EYS: variants seen among roughly 807,000 people sequenced by gnomAD.
EYS encodes the protein protein eyes shut homolog.
Under a neutral mutation model 282.1 loss-of-function variants are expected in EYS, and 250 were observed. The observed-to-expected ratio is 0.89, with a 90% CI of 0.80 to 0.98. EYS has a LOEUF of 0.98. Ranked by LOEUF, EYS falls within the 50% of genes least tolerant of loss-of-function variation. The probability of loss-of-function intolerance (pLI) is 0.00; values close to 1 mark genes in which losing one functional copy is unlikely to be tolerated. For synonymous variants in EYS, 1,355 were observed against 1,282.9 expected (o/e 1.06, Z -1.20); for missense variants, 4,016 against 3,709.0 (o/e 1.08, Z -2.15).
intron 31 of EYS, among the ~76,000 whole-genome samples, chr6:64,091,549 G>A (rs1349947257): frequency 2.0e-5 from 3 of 152,128 alleles, no homozygotes; most frequent in Admixed American, 6.6e-5. Flanking sequence ...GACTTCACAT[G>A]TGAAGCTACA....
chr6:64,889,684 C>A (rs867293439), intron 18 of EYS, among the ~76,000 whole-genome samples: 1 of 151,998 alleles, frequency 6.6e-6, no homozygotes, highest in African/African-American at 2.4e-5. Flanking sequence ...TATCACTTCC[C>A]CAGTCAATAC....
At chr6:64,285,818 C>T (rs1287072370) in intron 30 of EYS, among the ~76,000 whole-genome samples, 9 of 152,072 alleles carry the variant, frequency 5.9e-5, no homozygotes, top group African/African-American at 1.9e-4. Context: ...CATCAGATCT[C>T]GTGAGACTTA....
At chr6:65,661,266 T>A (rs917816993) in intron 1 of EYS, among the ~76,000 whole-genome samples, 1 of 151,836 alleles carries the variant, frequency 6.6e-6, no homozygotes, top group African/African-American at 2.4e-5. Flanking sequence ...ACAATAAGCA[T>A]CTTTTGAGAA....
At chr6:64,196,622 T>A (rs1350172235) in intron 31 of EYS, among the ~76,000 whole-genome samples, 2 of 151,882 alleles carry the variant, frequency 1.3e-5, no homozygotes, top group Non-Finnish European at 2.9e-5. Flanking sequence ...GAAATCATCA[T>A]TCTCAGTAAA....
chr6:63,738,604 G>T (rs1174536970), intron 41 of EYS, among the ~76,000 whole-genome samples: 1 of 118,878 alleles, frequency 8.4e-6, no homozygotes, highest in African/African-American at 3.2e-5. Flanking sequence ...GGGGGAGGGG[G>T]GAGGGATAGC....
In EYS at chr6:65,163,807, T is replaced by C. The variant is rs939344830; in HGVS notation, c.2024-106080A>G. Among the ~76,000 whole-genome samples, 11 of 151,428 alleles carry C rather than the reference T, an allele frequency of 7.3e-5. No individual in the cohort carries two copies. The South Asian group carries it at 1.0e-3, about 14-fold the overall frequency. On this transcript the variant is annotated intron_variant, in intron 12 of 42. Transcript: ENST00000503581. ...AAATGACATGGTCCACAAATTTTCA[T>C]TGAAACCCAGCCAGGCTCATTTGTT...
Position 64,066,329 on chromosome 6 carries a change from A to G in EYS, c.6725+9T>C, listed in dbSNP as rs886061671. 1.3e-6 allele frequency: 2 copies of G among 1,545,206 alleles called. No individual in the cohort carries two copies. Among genetic ancestry groups the G allele is most frequent in the Non-Finnish European group, 1.7e-6 (2 of 1,144,736 alleles). ...GCACGAAAGAACTACCGTGGAGTAC[A>G]GTACTTACCGTATTGTGATAGGGGT... On this transcript the variant is annotated intron_variant, in intron 33 of 42. Coordinates refer to ENST00000503581, the MANE Select transcript of EYS (RefSeq NM_001142800.2).
intron 19 of EYS, among the ~76,000 whole-genome samples, chr6:64,824,977 AT>A (rs1765010136): frequency 6.6e-6 from 1 of 151,926 alleles, no homozygotes; most frequent in Non-Finnish European, 1.5e-5. Context: ...CATTTTTAAC[AT>A]TATAGTCCTT....
chr6:64,520,365 G>A (rs1460714857), intron 26 of EYS, among the ~76,000 whole-genome samples: 1 of 151,598 alleles, frequency 6.6e-6, no homozygotes, highest in Non-Finnish European at 1.5e-5. Flanking sequence ...CATATTAATT[G>A]TTTTTCTACT....
intron 22 of EYS, among the ~76,000 whole-genome samples, chr6:64,795,089 G>T (rs1048712024): frequency 6.6e-6 from 1 of 152,046 alleles, no homozygotes; most frequent in African/African-American, 2.4e-5. Flanking sequence ...TCAAAAATTA[G>T]CTGGGCATGG....
intron 33 of EYS, among the ~76,000 whole-genome samples, chr6:64,000,829 A>G (rs914485983): frequency 6.6e-6 from 1 of 152,084 alleles, no homozygotes; most frequent in Non-Finnish European, 1.5e-5. Context: ...GTCATTTCTA[A>G]TTCTGATCAG....
intron 29 of EYS, among the ~76,000 whole-genome samples, chr6:64,336,712 C>T (rs769939665): frequency 7.9e-5 from 12 of 151,896 alleles, no homozygotes; most frequent in Non-Finnish European, 1.6e-4. Context: ...CCAAGGTAGA[C>T]CATATGATAG....
chr6:65,007,168 A>C (rs1038913478), intron 13 of EYS, among the ~76,000 whole-genome samples: 2 of 152,148 alleles, frequency 1.3e-5, no homozygotes, highest in Non-Finnish European at 2.9e-5. Context: ...AGATAAGCAG[A>C]GGTCCATGGG....
rs879388161 is a variant in EYS at position 64,023,973 on chromosome 6, G to A, written c.6726-24790C>T. Among the ~76,000 whole-genome samples, 19 of 152,306 alleles carry A rather than the reference G, an allele frequency of 1.2e-4. 1 individual carries two copies. In the East Asian group the frequency reaches 1.4e-3, roughly 11 times the overall value. ...CACCGGGCCTTGGCTGCCTTCCCGC[G>A]GGGCAGGGCTCAGGACATGCAGCTC... On this transcript the variant is annotated intron_variant, in intron 33 of 42. Coordinates refer to ENST00000503581, the MANE Select transcript of EYS (RefSeq NM_001142800.2).
At chr6:63,957,167 T>C (rs931029218) in intron 35 of EYS, among the ~76,000 whole-genome samples, 1 of 96,144 alleles carries the variant, frequency 1.0e-5, no homozygotes, top group African/African-American at 2.7e-5. Context: ...TGTCTTCTTG[T>C]ACTTAGGAAC....
At chr6:64,564,579 C>A (rs1275796093) in intron 26 of EYS, among the ~76,000 whole-genome samples, 2 of 152,006 alleles carry the variant, frequency 1.3e-5, no homozygotes, top group Non-Finnish European at 2.9e-5. Context: ...CCATGCCCAG[C>A]CTTTTTTAAA....
chr6:64,496,767 G>A (rs1346600418), intron 26 of EYS, among the ~76,000 whole-genome samples: 1 of 151,888 alleles, frequency 6.6e-6, no homozygotes, highest in Non-Finnish European at 1.5e-5. Context: ...AAACTTTGCG[G>A]ATGCTAATCA....
chr6:64,102,340 A>G (rs1486258579), intron 31 of EYS, among the ~76,000 whole-genome samples: 4 of 152,208 alleles, frequency 2.6e-5, no homozygotes, highest in Non-Finnish European at 5.9e-5. Context: ...TAAATTTTTT[A>G]AAGTAAATAG....
chr6:64,532,657 T>C (rs1764387959), intron 26 of EYS, among the ~76,000 whole-genome samples: 2 of 152,030 alleles, frequency 1.3e-5, no homozygotes, highest in Non-Finnish European at 2.9e-5. Flanking sequence ...TGCAGTGAGC[T>C]GAGATTGCGC....
Sources: gnomAD v4.1 joint callset for allele counts (sites outside exome capture counted in the v4.1 genomes callset) on GRCh38, gnomAD v4.1.1 for gene constraint, MANE v1.5 for transcripts, NCBI Gene and HGNC (gene_info 2026-07-23, HGNC 2026-07-21) for gene names.